Variants in RANBP2 observed in about 807,000 individuals in gnomAD.
RANBP2 encodes RAN binding protein 2.
A neutral mutation model predicts 303.6 loss-of-function variants in RANBP2; 57 were observed. The ratio of observed to expected loss-of-function variants is 0.19; its 90% CI spans 0.15 to 0.23. The LOEUF (loss-of-function observed/expected upper bound fraction) is 0.23. RANBP2 is among the 10% of genes least tolerant of loss of function. The pLI, the probability that RANBP2 is intolerant of heterozygous loss-of-function variation, is 1.00. For missense variants in RANBP2, 3,138 were observed against 3,780.8 expected (o/e 0.83, Z 4.46); for synonymous variants, 1,167 against 1,301.5 (o/e 0.90, Z 2.23).
chr2:108,911,845 G>A, the RANBP2 span, among the ~76,000 whole-genome samples: 44 of 152,320 alleles, frequency 2.9e-4, no homozygotes, highest in African/African-American at 8.9e-4. Flanking sequence ...GCATGTGGGC[G>A]CTGAGCCTCC....
the RANBP2 span, among the ~76,000 whole-genome samples, chr2:109,002,553 A>G: frequency 2.0e-5 from 3 of 151,912 alleles, no homozygotes; most frequent in Non-Finnish European, 4.4e-5. Flanking sequence ...TGCCTTAATT[A>G]CCACACCTCA....
At chr2:109,634,753 T>G in the RANBP2 span, among the ~76,000 whole-genome samples, 4 of 152,126 alleles carry the variant, frequency 2.6e-5, no homozygotes, top group Admixed American at 2.6e-4. Flanking sequence ...AAGAGAGAAC[T>G]AACATGGGAA....
the RANBP2 span, chr2:109,129,676 A>G: frequency 6.6e-7 from 1 of 1,523,036 alleles, no homozygotes; most frequent in Admixed American, 2.0e-5. Flanking sequence ...GGGCGAGGAC[A>G]TGGACGAGTC....
At chr2:108,968,149 A>G in the RANBP2 span, among the ~76,000 whole-genome samples, 1 of 152,120 alleles carries the variant, frequency 6.6e-6, no homozygotes, top group Admixed American at 6.5e-5. Flanking sequence ...AGGCGCCGTC[A>G]TTGTTCTCAC....
chr2:108,740,624 T>C lies in RANBP2; in HGVS notation c.918T>C (p.Asn306=), dbSNP rs771593958. 12 of 1,597,448 alleles carry C rather than the reference T, an allele frequency of 7.5e-6. No individual in the cohort carries two copies. The highest frequency in any genetic ancestry group is 1.3e-5 in the African/African-American group (1 of 74,858). ...TGAAGATGGGTCAGCATAGTAGTAA[T>C]GTTCAATGGCGAGCTCTTTCTGAGC... The part of the protein sequence containing the change: ...LLLKMGQHSS[N]VQWRALSELA... Residue 306 remains asparagine, a synonymous_variant, in exon 7 of 29, where the codon AAT becomes AAC. Coordinates refer to ENST00000283195, the MANE Select transcript of RANBP2 (RefSeq NM_006267.5).
the RANBP2 span, among the ~76,000 whole-genome samples, chr2:109,260,003 G>C: frequency 2.0e-5 from 3 of 152,330 alleles, no homozygotes; most frequent in Admixed American, 1.3e-4. Flanking sequence ...TCTCCGGCCA[G>C]AGATATCTTT....
chr2:109,210,894 C>CA, the RANBP2 span, among the ~76,000 whole-genome samples: 4 of 152,344 alleles, frequency 2.6e-5, no homozygotes, highest in Admixed American at 2.0e-4. Context: ...AAGGAAAACA[C>CA]AACCCCACTT....
chr2:109,683,044 T>A, the RANBP2 span, among the ~76,000 whole-genome samples: 1 of 152,176 alleles, frequency 6.6e-6, no homozygotes, highest in African/African-American at 2.4e-5. Context: ...CTTGCTCTGT[T>A]GCCCAGGCTG....
chr2:108,933,217 C>T, the RANBP2 span, among the ~76,000 whole-genome samples: 453 of 152,346 alleles, frequency 3.0e-3, 3 homozygotes, highest in African/African-American at 0.01. Flanking sequence ...GCCTGCTGAA[C>T]TTCCAGCAAA....
At chr2:108,940,777 A>C in the RANBP2 span, among the ~76,000 whole-genome samples, 1 of 152,142 alleles carries the variant, frequency 6.6e-6, no homozygotes, top group East Asian at 1.9e-4. Context: ...GTGTTCTCAG[A>C]CTCTGCATGT....
chr2:109,429,986 A>G, the RANBP2 span, among the ~76,000 whole-genome samples: 124 of 152,212 alleles, frequency 8.1e-4, no homozygotes, highest in African/African-American at 2.9e-3. Context: ...CCCACCCCAC[A>G]CAGGCCACTG....
At chr2:109,484,275 C>T in the RANBP2 span, among the ~76,000 whole-genome samples, 1 of 152,124 alleles carries the variant, frequency 6.6e-6, no homozygotes, top group African/African-American at 2.4e-5. Flanking sequence ...CCATGTTGGC[C>T]AGGCTGGTCT....
the RANBP2 span, among the ~76,000 whole-genome samples, chr2:109,085,064 G>A: frequency 6.6e-6 from 1 of 152,106 alleles, no homozygotes; most frequent in Admixed American, 6.5e-5. Context: ...TGAACAACAC[G>A]GGTCCACCTC....
At chr2:109,136,938 C>G in the RANBP2 span, among the ~76,000 whole-genome samples, 1 of 152,132 alleles carries the variant, frequency 6.6e-6, no homozygotes, top group Non-Finnish European at 1.5e-5. Context: ...TACCCTGGTT[C>G]AAGGAATGGG....
At chr2:109,725,574 A>G in the RANBP2 span, among the ~76,000 whole-genome samples, 1 of 152,060 alleles carries the variant, frequency 6.6e-6, no homozygotes, top group Non-Finnish European at 1.5e-5. Context: ...AACTGGGACC[A>G]TGTTCAGGAC....
At chr2:109,255,914 G>A in the RANBP2 span, among the ~76,000 whole-genome samples, 2 of 152,204 alleles carry the variant, frequency 1.3e-5, no homozygotes, top group African/African-American at 2.4e-5. Context: ...TGCAGATCAA[G>A]GCCTTTGAAA....
the RANBP2 span, among the ~76,000 whole-genome samples, chr2:109,639,642 A>T: frequency 5.9e-5 from 9 of 152,062 alleles, no homozygotes; most frequent in South Asian, 2.1e-4. Flanking sequence ...AAAAAAAAAT[A>T]AAAAAATGGG....
the RANBP2 span, among the ~76,000 whole-genome samples, chr2:109,274,026 C>G: frequency 8.1e-3 from 1,236 of 152,162 alleles, 12 homozygotes; most frequent in East Asian, 0.038. Context: ...TAAAAGAGTG[C>G]CAGTAATATT....
In RANBP2 at chr2:108,755,180, C is replaced by G; in HGVS notation, c.2387C>G (p.Ser796Cys). 1.2e-6 allele frequency: 2 copies of G among 1,611,342 alleles called. No individual in the cohort carries two copies. The highest frequency in any genetic ancestry group is 2.3e-4 in the Middle Eastern group (1 of 4,430). The stretch of plus-strand genomic sequence containing the variant: ...GTTATTTTTATTTTTTTTTAGTATT[C>G]TCCCAAAACACCACCTCGATGGGCA... Reference protein sequence around the residue: ...SLSPSKSYKYSPKTPPRWAED... With the variant: ...SLSPSKSYKYCPKTPPRWAED... The change falls in exon 17 of 29, where the codon TCT becomes TGT. Residue 796 changes from serine to cysteine, a missense_variant. Around this residue, in one of 20 missense-constraint regions of RANBP2, gnomAD observed 194 missense variants for 197.4 expected, o/e 0.98. Coordinates refer to ENST00000283195, the MANE Select transcript of RANBP2 (RefSeq NM_006267.5).
Sources: allele counts gnomAD v4.1 joint callset (sites outside exome capture counted in the v4.1 genomes callset), GRCh38; gene constraint gnomAD v4.1.1; regional missense constraint gnomAD v4.1.1; transcripts MANE v1.5; gene names NCBI Gene and HGNC (gene_info 2026-07-23, HGNC 2026-07-21).